Variants in BAIAP2 observed in about 807,000 individuals in gnomAD.
BAIAP2 encodes the protein BAR/IMD domain-containing adapter protein 2.
In BAIAP2, 18 loss-of-function variants were observed where a neutral mutation model predicts 63.0. That is an observed-to-expected ratio of 0.29 (90% CI 0.20 to 0.42). The LOEUF (loss-of-function observed/expected upper bound fraction) is 0.42, where lower values mean the gene tolerates loss of function less well. Ranked by LOEUF, BAIAP2 falls within the 10% of genes least tolerant of loss-of-function variation. The pLI, the probability that BAIAP2 is intolerant of heterozygous loss-of-function variation, is 1.00. For synonymous variants in BAIAP2, 386 were observed against 307.6 expected, an observed-to-expected ratio of 1.25 and a Z score of -2.67; for missense variants, 610 against 734.3, an observed-to-expected ratio of 0.83 and a Z score of 1.96.
chr17:81,081,792 C>T (rs941137294), intron 3 of BAIAP2, among the ~76,000 whole-genome samples: 1 of 152,180 alleles, frequency 6.6e-6, no homozygotes, highest in African/African-American at 2.4e-5. Flanking sequence ...TGAGAGGCCA[C>T]CGCAGTGGTG....
At chr17:81,109,622 C>T (rs527726868) in intron 13 of BAIAP2, 53 of 985,336 alleles carry the variant, frequency 5.4e-5, no homozygotes, top group African/African-American at 1.7e-4. Flanking sequence ...GGAAGCCGGC[C>T]GCTCCTGTGA....
chr17:81,099,886 C>G, intron 6 of BAIAP2, 42 bp from the exon 7 acceptor site: 1 of 1,600,280 alleles, frequency 6.2e-7, no homozygotes, highest in Non-Finnish European at 8.5e-7. Context: ...TGACAGGCGT[C>G]CTTCCATCGC....
chr17:81,068,856 C>T (rs2052014954), intron 3 of BAIAP2, among the ~76,000 whole-genome samples: 1 of 152,198 alleles, frequency 6.6e-6, no homozygotes, highest in East Asian at 1.9e-4. Context: ...TGGGAGGTGC[C>T]AGTGGGTTCC....
chr17:81,095,272 G>A (rs1251559654), intron 6 of BAIAP2, among the ~76,000 whole-genome samples: 1 of 152,188 alleles, frequency 6.6e-6, no homozygotes, highest in Non-Finnish European at 1.5e-5. Context: ...CCAGGTAGGA[G>A]GTACAGACCA....
At chr17:81,105,897 G>A in intron 10 of BAIAP2, 181 bp from the exon 11 acceptor site, 2 of 581,990 alleles carry the variant, frequency 3.4e-6, no homozygotes, top group Non-Finnish European at 6.1e-6. Context: ...TGCCCTTGAG[G>A]CTGAGCACAC....
Position 81,103,637 on chromosome 17 carries a change from G to T in BAIAP2, c.778G>T (p.Ala260Ser). 1 of 1,605,468 alleles carries T rather than the reference G, an allele frequency of 6.2e-7. No individual in the cohort carries two copies. The change falls in exon 8 of 14, where the codon GCC (alanine) becomes TCC (serine). Residue 260 changes from alanine (A) to serine (S), a missense_variant. Coordinates refer to ENST00000428708, the MANE Select transcript of BAIAP2 (RefSeq NM_001144888.2). ...CGCCACCCTCCCCAGCGCCCTGTCG[G>T]CCTCCAAGTCCAACCTGGTCATTTC... ...NGATLPSALS[A>S]SKSNLVISDP...
Position 81,108,845 on chromosome 17 carries a change from C to T in BAIAP2, c.1535+336C>T, listed in dbSNP as rs2059507501. ...GTGCTCCGCCCTTGTCCTGGGTCTT[C>T]CTGGAGGGTCAGGAGGCCAACGGGA... is the stretch of plus-strand genomic sequence containing the variant. On this transcript the variant is annotated intron_variant, in intron 13 of 13. Transcript: ENST00000428708. The T allele has an allele frequency of 5.6e-6, 8 of 1,420,096 alleles. No homozygotes were observed. In the South Asian group the frequency reaches 9.9e-5, roughly 18 times the overall value. The allele number at this position is 1,420,096 out of a possible 1,614,324, so 88.0% of individuals were successfully genotyped here.
intron 3 of BAIAP2, among the ~76,000 whole-genome samples, chr17:81,080,374 G>C (rs1174672042): frequency 6.6e-6 from 1 of 152,246 alleles, no homozygotes; most frequent in Non-Finnish European, 1.5e-5. Context: ...GCCGCCGCTC[G>C]AAGCTCAGGG....
intron 3 of BAIAP2, among the ~76,000 whole-genome samples, chr17:81,065,593 T>G (rs1163570222): frequency 6.6e-6 from 1 of 152,192 alleles, no homozygotes; most frequent in Non-Finnish European, 1.5e-5. Context: ...GTGACTGCAC[T>G]CCTGAGCACA....
intron 7 of BAIAP2, among the ~76,000 whole-genome samples, chr17:81,102,397 T>C (rs1282050298): frequency 1.3e-5 from 2 of 152,130 alleles, no homozygotes; most frequent in Non-Finnish European, 2.9e-5. Flanking sequence ...CCTCTACCAC[T>C]GATCTCAGCC....
intron 1 of BAIAP2, among the ~76,000 whole-genome samples, chr17:81,038,117 C>G (rs891182509): frequency 6.6e-6 from 1 of 152,242 alleles, no homozygotes; most frequent in Non-Finnish European, 1.5e-5. Flanking sequence ...TCCACAGGAG[C>G]CCGGGCCCAG....
At chr17:81,115,329 G>T (rs60863103) in intron 13 of BAIAP2, among the ~76,000 whole-genome samples, 10,612 of 152,292 alleles carry the variant, frequency 0.07, 630 homozygotes, top group African/African-American at 0.17. Flanking sequence ...TGGGCTGGAC[G>T]CTCTGCCACG....
chr17:81,077,548 A>G (rs1225472868), intron 3 of BAIAP2, among the ~76,000 whole-genome samples: 3 of 133,524 alleles, frequency 2.2e-5, no homozygotes, highest in Non-Finnish European at 4.8e-5. Flanking sequence ...AGCCTGGGTG[A>G]CAGAGACTCT....
Position 81,116,392 on chromosome 17 carries a change from G to T in BAIAP2, c.*553G>T. The T allele has an allele frequency of 1.3e-6, 2 of 1,531,734 alleles. No individual in the cohort carries two copies. The highest frequency in any genetic ancestry group is 1.8e-6 in the Non-Finnish European group (2 of 1,127,314). 94.9% of individuals were successfully genotyped at this position (1,531,734 alleles called of 1,614,324 possible). A position where few individuals can be genotyped will look rare whatever the true frequency, so the allele number is the denominator to read the frequency against. On this transcript the variant is annotated 3_prime_UTR_variant, in exon 14 of 14. Transcript: ENST00000428708. ...GTCCCTCCCCATGCCCCTCGGTGGGGCTCTCCTGGGCCCCTCACTCCCACT... is the reference window on the plus strand; with the variant it reads ...GTCCCTCCCCATGCCCCTCGGTGGGTCTCTCCTGGGCCCCTCACTCCCACT...
intron 1 of BAIAP2, among the ~76,000 whole-genome samples, chr17:81,042,312 AT>A (rs11411878): frequency 7.4e-5 from 11 of 148,228 alleles, no homozygotes; most frequent in South Asian, 2.1e-4. Flanking sequence ...TGCCTGGCTA[AT>A]TTTTTTTTTT....
intron 7 of BAIAP2, 151 bp from the exon 8 acceptor site, chr17:81,103,351 C>G (rs2058739441): frequency 4.1e-6 from 3 of 723,272 alleles, no homozygotes; most frequent in Non-Finnish European, 4.5e-6. Flanking sequence ...GGGTCAGAGG[C>G]TCACGGGTGG....
chr17:81,078,750 T>C (rs2054125979), intron 3 of BAIAP2, among the ~76,000 whole-genome samples: 1 of 152,072 alleles, frequency 6.6e-6, no homozygotes, highest in Admixed American at 6.5e-5. Flanking sequence ...CTTCCTGTAC[T>C]GCAGCCTCCG....
At chr17:81,047,379 G>GGA (rs2047966633) in intron 1 of BAIAP2, among the ~76,000 whole-genome samples, 1 of 152,140 alleles carries the variant, frequency 6.6e-6, no homozygotes, top group Non-Finnish European at 1.5e-5. Flanking sequence ...GGGTGATGAG[G>GGA]GTCTAAGGCA....
At chr17:81,092,527 G>A (rs1289155182) in intron 6 of BAIAP2, among the ~76,000 whole-genome samples, 1 of 152,230 alleles carries the variant, frequency 6.6e-6, no homozygotes, top group African/African-American at 2.4e-5. Flanking sequence ...GCTGGGCCCG[G>A]GGGCCTCCTG....
Sources: gnomAD v4.1 joint callset for allele counts (sites outside exome capture counted in the v4.1 genomes callset) on GRCh38, gnomAD v4.1.1 for gene constraint, MANE v1.5 for transcripts, NCBI Gene and HGNC (gene_info 2026-07-23, HGNC 2026-07-21) for gene names.